The following MYO9A variants were observed in gnomAD, a reference collection of about 807,000 sequenced individuals.
MYO9A encodes the protein unconventional myosin-IXa.
Under a neutral mutation model 293.3 loss-of-function variants are expected in MYO9A, and 103 were observed. That is an observed-to-expected ratio of 0.35 (90% CI 0.30 to 0.41). MYO9A has a LOEUF of 0.41. Ranked by LOEUF, MYO9A falls within the 10% of genes least tolerant of loss-of-function variation. MYO9A has a pLI of 1.00. For synonymous variants in MYO9A, 1,001 were observed against 1,035.7 expected, an observed-to-expected ratio of 0.97 and a Z score of 0.64; for missense variants, 2,685 against 3,033.0, an observed-to-expected ratio of 0.89 and a Z score of 2.69.
chr15:72,028,186 G>C (rs1003094554), intron 3 of MYO9A, among the ~76,000 whole-genome samples: 2 of 138,938 alleles, frequency 1.4e-5, no homozygotes, highest in Admixed American at 7.5e-5. Context: ...GACAGAGTGA[G>C]AATCTGTCTC....
intron 4 of MYO9A, among the ~76,000 whole-genome samples, chr15:72,022,675 G>A (rs773062579): frequency 6.6e-6 from 1 of 152,096 alleles, no homozygotes; most frequent in African/African-American, 2.4e-5. Flanking sequence ...AGCCTCCCTA[G>A]TAGCTGGGAC....
intron 6 of MYO9A, among the ~76,000 whole-genome samples, chr15:72,016,080 G>A (rs1358018467): frequency 1.3e-5 from 2 of 151,930 alleles, no homozygotes; most frequent in African/African-American, 4.8e-5. Context: ...GGAAACAAAG[G>A]CTGAGATGTT....
chr15:71,854,690 A>T, intron 34 of MYO9A, 121 bp from the exon 35 acceptor site: 1 of 689,290 alleles, frequency 1.5e-6, no homozygotes. Context: ...TAGTTAGAAG[A>T]GTTGGGAGAA....
intron 34 of MYO9A, 78 bp downstream of exon 34, chr15:71,859,657 A>G: frequency 8.6e-7 from 1 of 1,168,810 alleles, no homozygotes; most frequent in Non-Finnish European, 1.3e-6. Flanking sequence ...AACTATCAAA[A>G]AGGCCTTAAT....
At chr15:72,116,520 G>C (rs1298435690) in intron 1 of MYO9A, among the ~76,000 whole-genome samples, 4 of 152,124 alleles carry the variant, frequency 2.6e-5, no homozygotes, top group Non-Finnish European at 5.9e-5. Context: ...GGAGAAGCAA[G>C]ACAGCAGCAC....
chr15:71,995,338 T>C (rs899949994), intron 9 of MYO9A, among the ~76,000 whole-genome samples: 4 of 152,140 alleles, frequency 2.6e-5, no homozygotes, highest in Admixed American at 6.5e-5. Context: ...CACAATTACA[T>C]TGGTAGTTGT....
intron 12 of MYO9A, 67 bp from the exon 13 acceptor site, chr15:71,968,192 C>CAT (rs2147281644): frequency 7.5e-7 from 1 of 1,332,282 alleles, no homozygotes; most frequent in Admixed American, 2.7e-5. Context: ...ATTAGTACAG[C>CAT]CCTTTTCAAA....
At chr15:72,042,699 GTAAGAAAAACTTTT>G (rs1299431118) in intron 2 of MYO9A, among the ~76,000 whole-genome samples, 1 of 151,658 alleles carries the variant, frequency 6.6e-6, no homozygotes, top group Non-Finnish European at 1.5e-5. Context: ...AAACTGGAAA[GTAAGAAAAACTTTT>G]TATTCACAGA....
intron 27 of MYO9A, among the ~76,000 whole-genome samples, chr15:71,886,836 T>C (rs1355318082): frequency 6.6e-6 from 1 of 152,110 alleles, no homozygotes; most frequent in African/African-American, 2.4e-5. Flanking sequence ...AGATGTATGT[T>C]CTTCTACTGT....
intron 15 of MYO9A, among the ~76,000 whole-genome samples, chr15:71,943,061 C>T (rs2058819629): frequency 6.6e-6 from 1 of 151,990 alleles, no homozygotes; most frequent in Non-Finnish European, 1.5e-5. Flanking sequence ...ATCACTTAAA[C>T]TACTGAAAAA....
intron 1 of MYO9A, among the ~76,000 whole-genome samples, chr15:72,116,205 T>TTA (rs1249733814): frequency 6.6e-6 from 1 of 152,240 alleles, no homozygotes; most frequent in Non-Finnish European, 1.5e-5. Context: ...TTTTACTACA[T>TTA]TACTCTTCCG....
Position 71,848,862 on chromosome 15 carries a change from G to C in MYO9A, c.6820C>G (p.Leu2274Val), listed in dbSNP as rs765100869. The C allele has an allele frequency of 3.1e-6, 5 of 1,607,572 alleles. No homozygotes were observed. The highest frequency in any genetic ancestry group is 1.3e-5 in the African/African-American group (1 of 74,592). Residue 2274 changes from leucine (L) to valine (V), a missense_variant, in exon 39 of 42, where the codon CTG becomes GTG. By Grantham distance (32) the Leu-to-Val change is conservative. This residue lies in a region of MYO9A where 350 missense variants were observed against 328.9 expected (regional missense o/e 1.06). Transcript: ENST00000356056. ...CATCTTACCATTGATCTACGAATCA[G>C]TGACAACCTGGTCTTTGCCTTATTC... Reference protein sequence around the residue: ...AENKAKTRLSLIRRSMGKGRI... With the variant: ...AENKAKTRLSVIRRSMGKGRI...
At chr15:72,007,745 G>T in intron 8 of MYO9A, 81 bp downstream of exon 8, 1 of 1,409,308 alleles carries the variant, frequency 7.1e-7, no homozygotes, top group Non-Finnish European at 9.6e-7. Flanking sequence ...GCATTAACCC[G>T]TTTACACCTA....
At chr15:71,957,441 C>T (rs2146879468) in intron 14 of MYO9A, among the ~76,000 whole-genome samples, 1 of 152,212 alleles carries the variant, frequency 6.6e-6, no homozygotes, top group Non-Finnish European at 1.5e-5. Context: ...TTCTTAATTG[C>T]CCTACTATAC....
chr15:72,114,896 A>G (rs932682525), intron 1 of MYO9A, among the ~76,000 whole-genome samples: 3 of 152,348 alleles, frequency 2.0e-5, no homozygotes, highest in East Asian at 3.9e-4. Context: ...TTGGCAAATC[A>G]TATTTTCAAA....
chr15:72,004,843 A>G (rs2076973636), intron 8 of MYO9A, among the ~76,000 whole-genome samples: 1 of 152,322 alleles, frequency 6.6e-6, no homozygotes, highest in Non-Finnish European at 1.5e-5. Flanking sequence ...AAAGTAAATA[A>G]ATAAAGTTAA....
intron 9 of MYO9A, among the ~76,000 whole-genome samples, chr15:71,998,619 G>A (rs1023269261): frequency 7.6e-6 from 1 of 131,764 alleles, no homozygotes; most frequent in East Asian, 2.2e-4. Context: ...GGGTACATGT[G>A]CACAATGTGC....
intron 14 of MYO9A, among the ~76,000 whole-genome samples, chr15:71,954,405 C>T (rs1225141320): frequency 3.3e-5 from 5 of 152,078 alleles, no homozygotes; most frequent in South Asian, 4.1e-4. Flanking sequence ...AGGGTTTCAC[C>T]GTGTTAGCCA....
intron 39 of MYO9A, among the ~76,000 whole-genome samples, chr15:71,841,376 A>G (rs2055154690): frequency 6.6e-6 from 1 of 152,168 alleles, no homozygotes; most frequent in Non-Finnish European, 1.5e-5. Context: ...ATTTTTTATC[A>G]TGCTAAGAAT....
Sources: allele counts gnomAD v4.1 joint callset (sites outside exome capture counted in the v4.1 genomes callset), GRCh38; gene constraint gnomAD v4.1.1; regional missense constraint gnomAD v4.1.1; transcripts MANE v1.5; gene names NCBI Gene and HGNC (gene_info 2026-07-23, HGNC 2026-07-21).